MTUS2: variants seen among roughly 807,000 people sequenced by gnomAD.
MTUS2 encodes microtubule associated scaffold protein 2, also known as microtubule-associated tumor suppressor candidate 2.
A neutral mutation model predicts 114.1 loss-of-function variants in MTUS2; 40 were observed. The observed-to-expected ratio is 0.35, with a 90% CI of 0.27 to 0.46. The LOEUF is 0.46. MTUS2 is among the 20% of genes least tolerant of loss of function. MTUS2 has a pLI of 1.00. For synonymous variants in MTUS2, 688 were observed against 672.0 expected, an observed-to-expected ratio of 1.02 and a Z score of -0.37; for missense variants, 1,679 against 1,705.4, an observed-to-expected ratio of 0.98 and a Z score of 0.27.
chr13:29,001,209 CT>C (rs1885369727), intron 2 of MTUS2, among the ~76,000 whole-genome samples: 1 of 152,114 alleles, frequency 6.6e-6, no homozygotes, highest in Non-Finnish European at 1.5e-5. Context: ...ACTGGAGGGT[CT>C]TGAAGAGAGG....
At chr13:28,943,762 G>A (rs553319475) in intron 2 of MTUS2, among the ~76,000 whole-genome samples, 4 of 152,212 alleles carry the variant, frequency 2.6e-5, no homozygotes, top group South Asian at 2.1e-4. Flanking sequence ...CAAGAGCACC[G>A]GATGCATAGG....
At chr13:29,373,838 A>G (rs527421750) in intron 8 of MTUS2, among the ~76,000 whole-genome samples, 10 of 152,386 alleles carry the variant, frequency 6.6e-5, no homozygotes, top group African/African-American at 2.4e-4. Flanking sequence ...ACTATTTAGC[A>G]TACAAAGAAT....
intron 2 of MTUS2, among the ~76,000 whole-genome samples, chr13:28,962,105 A>G (rs567418259): frequency 1.8e-4 from 27 of 151,702 alleles, no homozygotes; most frequent in Admixed American, 1.0e-3. Flanking sequence ...TAAAATGAAG[A>G]TATTTAAAAA....
chr13:29,150,582 C>T (rs1011416073), intron 5 of MTUS2, among the ~76,000 whole-genome samples: 5 of 152,094 alleles, frequency 3.3e-5, no homozygotes, highest in African/African-American at 1.2e-4. Flanking sequence ...GTTGTGATTG[C>T]TTTTGAAGAC....
chr13:29,217,387 A>G (rs566697443), intron 5 of MTUS2, among the ~76,000 whole-genome samples: 1 of 152,356 alleles, frequency 6.6e-6, no homozygotes, highest in Admixed American at 6.5e-5. Flanking sequence ...AACCACTGCT[A>G]TAAAGGTGAG....
intron 5 of MTUS2, among the ~76,000 whole-genome samples, chr13:29,262,609 G>A (rs1897519549): frequency 6.6e-6 from 1 of 151,814 alleles, no homozygotes; most frequent in Non-Finnish European, 1.5e-5. Context: ...ATTATGACTA[G>A]CTCTGGGACA....
chr13:29,131,509 G>A (rs527280506), intron 5 of MTUS2, among the ~76,000 whole-genome samples: 10 of 152,394 alleles, frequency 6.6e-5, no homozygotes, highest in East Asian at 5.8e-4. Flanking sequence ...AGGACTTGGC[G>A]TGGGCAGACA....
intron 9 of MTUS2, among the ~76,000 whole-genome samples, chr13:29,452,089 C>T (rs1878724822): frequency 1.3e-5 from 2 of 152,146 alleles, no homozygotes; most frequent in African/African-American, 2.4e-5. Context: ...ATATAATTTT[C>T]TAAAGTCATT....
intron 5 of MTUS2, among the ~76,000 whole-genome samples, chr13:29,173,649 A>G (rs1593557443): frequency 1.3e-5 from 2 of 152,266 alleles, no homozygotes; most frequent in East Asian, 1.9e-4. Flanking sequence ...TGGAAATAGC[A>G]TATTGATTCT....
chr13:29,165,029 A>G (rs549731751), intron 5 of MTUS2, among the ~76,000 whole-genome samples: 1 of 152,204 alleles, frequency 6.6e-6, no homozygotes, highest in Non-Finnish European at 1.5e-5. Flanking sequence ...TGGAATCTCA[A>G]TGGCTTGCTG....
chr13:28,928,192 TA>T (rs960598745), intron 2 of MTUS2, among the ~76,000 whole-genome samples: 62 of 148,760 alleles, frequency 4.2e-4, no homozygotes, highest in Middle Eastern at 3.4e-3. Flanking sequence ...TTGACATGGG[TA>T]AAAAAAAAAT....
chr13:29,433,226 C>T (rs1877139948), intron 8 of MTUS2, among the ~76,000 whole-genome samples: 1 of 152,216 alleles, frequency 6.6e-6, no homozygotes, highest in Non-Finnish European at 1.5e-5. Flanking sequence ...CCCAGTGACT[C>T]TTCCCCACAT....
rs558486998 is a variant in MTUS2 at position 29,028,775 on chromosome 13, A to G, written c.2205+1872A>G. On this transcript the variant is annotated intron_variant, in intron 3 of 15. Coordinates refer to ENST00000612955, the MANE Select transcript of MTUS2 (RefSeq NM_001033602.4). ...CATGAGGGAAGGGATTGTTTTCAAT[A>G]TTTTGTTCCCCGTGTTCCCAGAATT... is the stretch of plus-strand genomic sequence containing the variant. 5.3e-5 allele frequency among the ~76,000 whole-genome samples: 8 copies of G among 152,140 alleles called. No homozygotes were observed. In the South Asian group the frequency reaches 1.2e-3, roughly 24 times the overall value.
intron 5 of MTUS2, among the ~76,000 whole-genome samples, chr13:29,241,201 G>C (rs912801237): frequency 5.3e-5 from 8 of 152,116 alleles, no homozygotes; most frequent in African/African-American, 1.9e-4. Flanking sequence ...TCTGAGCCTA[G>C]TTTTCTGTAC....
intron 2 of MTUS2, among the ~76,000 whole-genome samples, chr13:28,980,199 TA>T (rs1244279705): frequency 6.6e-6 from 1 of 152,254 alleles, no homozygotes; most frequent in Non-Finnish European, 1.5e-5. Flanking sequence ...TTGATTACAA[TA>T]GAGTCCATGC....
chr13:29,476,865 C>T (rs895027244), intron 9 of MTUS2: 2 of 152,210 alleles, frequency 1.3e-5, no homozygotes, highest in African/African-American at 4.8e-5. Flanking sequence ...TGCCTGCTTC[C>T]ATCTGCAAGG....
intron 2 of MTUS2, among the ~76,000 whole-genome samples, chr13:29,020,336 A>C (rs1886241174): frequency 6.6e-6 from 1 of 152,226 alleles, no homozygotes; most frequent in South Asian, 2.1e-4. Context: ...TTATTTAATC[A>C]CACACAGTCT....
chr13:28,934,143 A>C (rs758247059), intron 2 of MTUS2, among the ~76,000 whole-genome samples: 3 of 152,218 alleles, frequency 2.0e-5, no homozygotes, highest in Non-Finnish European at 2.9e-5. Flanking sequence ...AAATAAAGTA[A>C]ATCTATTGTA....
At chr13:29,088,487 A>C (rs977794855) in intron 4 of MTUS2, among the ~76,000 whole-genome samples, 2 of 152,146 alleles carry the variant, frequency 1.3e-5, no homozygotes, top group African/African-American at 4.8e-5. Context: ...GATGCCTGTT[A>C]GGTCCATTTG....
Sources: allele counts gnomAD v4.1 joint callset (sites outside exome capture counted in the v4.1 genomes callset), GRCh38; gene constraint gnomAD v4.1.1; transcripts MANE v1.5; gene names NCBI Gene and HGNC (gene_info 2026-07-23, HGNC 2026-07-21).